The following STK32B variants were observed in gnomAD, a reference collection of about 807,000 sequenced individuals.
STK32B encodes the protein serine/threonine-protein kinase 32B.
Under a neutral mutation model 52.6 loss-of-function variants are expected in STK32B, and 43 were observed. That is an observed-to-expected ratio of 0.82 (90% CI 0.64 to 1.05). The LOEUF (loss-of-function observed/expected upper bound fraction) is 1.05. Ranked by LOEUF, STK32B falls within the 50% of genes least tolerant of loss-of-function variation. STK32B has a pLI of 0.00. For synonymous variants in STK32B, 238 were observed against 204.3 expected, an observed-to-expected ratio of 1.17 and a Z score of -1.41; for missense variants, 621 against 534.6, an observed-to-expected ratio of 1.16 and a Z score of -1.59.
At chr4:5,252,454 G>T (rs1726004304) in intron 3 of STK32B, among the ~76,000 whole-genome samples, 1 of 152,312 alleles carries the variant, frequency 6.6e-6, no homozygotes, top group South Asian at 2.1e-4. Flanking sequence ...CATTGGAAAT[G>T]ATTGCCAGTG....
intron 6 of STK32B, chr4:5,436,516 C>T (rs1418812947): frequency 2.3e-6 from 2 of 873,854 alleles, no homozygotes; most frequent in African/African-American, 3.6e-5. Flanking sequence ...AAAACTGACT[C>T]TCTGGTCAGC....
At chr4:5,384,243 C>T (rs917483728) in intron 4 of STK32B, among the ~76,000 whole-genome samples, 3 of 152,090 alleles carry the variant, frequency 2.0e-5, no homozygotes, top group Admixed American at 1.3e-4. Context: ...TGGGCAAAGG[C>T]TGACAGCTCT....
intron 4 of STK32B, among the ~76,000 whole-genome samples, chr4:5,336,078 A>G (rs928973958): frequency 6.7e-6 from 1 of 149,900 alleles, no homozygotes; most frequent in Non-Finnish European, 1.5e-5. Flanking sequence ...GCTAAAGGAC[A>G]TCAAGCCTGC....
chr4:5,451,978 C>T (rs905819983), intron 7 of STK32B, among the ~76,000 whole-genome samples: 1 of 152,192 alleles, frequency 6.6e-6, no homozygotes, highest in Non-Finnish European at 1.5e-5. Context: ...TGAAAGCCTG[C>T]ATCCTTCCCA....
At chr4:5,169,639 GT>G (rs1236390004) in intron 3 of STK32B, among the ~76,000 whole-genome samples, 1 of 152,118 alleles carries the variant, frequency 6.6e-6, no homozygotes, top group Non-Finnish European at 1.5e-5. Context: ...GTCTGCTGGA[GT>G]CTCAGTATCC....
At chr4:5,095,201 G>A (rs1318533466) in intron 1 of STK32B, among the ~76,000 whole-genome samples, 2 of 152,164 alleles carry the variant, frequency 1.3e-5, no homozygotes, top group Non-Finnish European at 2.9e-5. Flanking sequence ...GGTGGGTAAG[G>A]GCAGGCTGGG....
intron 4 of STK32B, among the ~76,000 whole-genome samples, chr4:5,342,310 TC>T (rs1283879362): frequency 6.6e-6 from 1 of 152,096 alleles, no homozygotes; most frequent in Non-Finnish European, 1.5e-5. Flanking sequence ...CAAATATCCA[TC>T]AATGGTAGAC....
chr4:5,460,110 C>G lies in STK32B; in HGVS notation c.791C>G (p.Thr264Ser), dbSNP rs750469503. 1 of 1,614,220 alleles carries G rather than the reference C, an allele frequency of 6.2e-7. No homozygotes were observed. Among genetic ancestry groups the G allele is most frequent in the Non-Finnish European group, 8.5e-7 (1 of 1,180,040 alleles). ...GMVALLRKLLTKDPESRVSSL... is the reference protein window; with the variant it reads ...GMVALLRKLLSKDPESRVSSL... Reference sequence around the variant, plus strand: ...TTTGCCCTCTAACTGCAGCTCCTGACCAAGGATCCTGAGAGCCGCGTGTCC... The same window carrying G: ...TTTGCCCTCTAACTGCAGCTCCTGAGCAAGGATCCTGAGAGCCGCGTGTCC... Residue 264 changes from threonine (T) to serine (S), a missense_variant, in exon 9 of 12, where the codon ACC becomes AGC. By Grantham distance (58) the Thr-to-Ser change is moderately conservative. Coordinates refer to ENST00000282908, the MANE Select transcript of STK32B (RefSeq NM_018401.3). The surrounding 1 kb of genome is among the most constrained non-coding windows in gnomAD (Gnocchi z 4.8).
In STK32B at chr4:5,339,447, G is replaced by T. The variant is rs539521790; in HGVS notation, c.434+8054G>T. On this transcript the variant is annotated intron_variant, in intron 4 of 11. Coordinates refer to ENST00000282908, the MANE Select transcript of STK32B (RefSeq NM_018401.3). ...ATGGTTCATAAATCCCCCTTTCAAT[G>T]TGTGTATGTGTAGATTTGAAACTGT... is the stretch of plus-strand genomic sequence containing the variant. 7.2e-5 allele frequency among the ~76,000 whole-genome samples: 11 copies of T among 152,214 alleles called. No individual in the cohort carries two copies. In the East Asian group the frequency reaches 1.5e-3, roughly 21 times the overall value.
intron 3 of STK32B, among the ~76,000 whole-genome samples, chr4:5,299,371 G>A (rs1344556648): frequency 2.6e-5 from 4 of 152,062 alleles, no homozygotes; most frequent in East Asian, 1.9e-4. Flanking sequence ...CCCCAGCAAC[G>A]TGCTGCAGTA....
At chr4:5,315,845 C>T (rs1471556682) in intron 3 of STK32B, among the ~76,000 whole-genome samples, 3 of 151,190 alleles carry the variant, frequency 2.0e-5, no homozygotes, top group Admixed American at 6.6e-5. Context: ...GCTGGAATTA[C>T]AGGTGCATGC....
intron 1 of STK32B, among the ~76,000 whole-genome samples, chr4:5,096,497 C>T (rs16836633): frequency 0.032 from 4,369 of 136,956 alleles, 197 homozygotes; most frequent in African/African-American, 0.11. Flanking sequence ...AACATTCCAA[C>T]GGTCACCACA....
intron 4 of STK32B, among the ~76,000 whole-genome samples, chr4:5,382,275 AAAGTC>A (rs1204319521): frequency 1.3e-5 from 2 of 152,208 alleles, no homozygotes; most frequent in Non-Finnish European, 2.9e-5. Context: ...TGACCCTGGG[AAAGTC>A]ACTCAAATTC....
chr4:5,119,644 G>T (rs936407831), intron 1 of STK32B, among the ~76,000 whole-genome samples: 1 of 152,156 alleles, frequency 6.6e-6, no homozygotes, highest in Non-Finnish European at 1.5e-5. Flanking sequence ...GTTACGACTG[G>T]TGCAAAACGT....
At chr4:5,227,010 A>G (rs984471621) in intron 3 of STK32B, among the ~76,000 whole-genome samples, 1 of 152,178 alleles carries the variant, frequency 6.6e-6, no homozygotes. Context: ...TCTTTTTAAT[A>G]CCTGTTTTTA....
intron 4 of STK32B, among the ~76,000 whole-genome samples, chr4:5,348,899 C>T (rs950277929): frequency 3.3e-5 from 5 of 152,308 alleles, no homozygotes; most frequent in South Asian, 4.1e-4. Flanking sequence ...ACACTCCTTC[C>T]AGAGTCTGAG....
intron 3 of STK32B, chr4:5,214,343 G>A (rs1723069205): frequency 6.6e-6 from 1 of 152,350 alleles, no homozygotes; most frequent in African/African-American, 2.4e-5. Flanking sequence ...GTAACAGCTT[G>A]TGGAACTGTG....
intron 6 of STK32B, among the ~76,000 whole-genome samples, chr4:5,421,458 C>A (rs968631563): frequency 6.6e-6 from 1 of 152,136 alleles, no homozygotes; most frequent in Non-Finnish European, 1.5e-5. Context: ...CTCCTGACAT[C>A]AGGTGATCCA....
chr4:5,319,300 C>A lies in STK32B; in HGVS notation c.261-11920C>A, dbSNP rs28638108. ...TGTACACTTCAAAAGGGTTTGTGTG[C>A]TCTCCTGAATAGGGCTCATCACTGC... On this transcript the variant is annotated intron_variant, in intron 3 of 11. Coordinates refer to ENST00000282908, the MANE Select transcript of STK32B (RefSeq NM_018401.3). Among the ~76,000 whole-genome samples the A allele has an allele frequency of 1.2e-3, 183 of 152,270 alleles. 1 individual carries two copies. The highest frequency in any genetic ancestry group is 4.3e-3 in the African/African-American group (177 of 41,552).
Sources: gnomAD v4.1 joint callset for allele counts (sites outside exome capture counted in the v4.1 genomes callset) on GRCh38, gnomAD v4.1.1 for gene constraint, Gnocchi (gnomAD v3.1) non-coding constraint, MANE v1.5 for transcripts, NCBI Gene and HGNC (gene_info 2026-07-23, HGNC 2026-07-21) for gene names.